ZNRF3: variants seen among roughly 807,000 people sequenced by gnomAD.
ZNRF3 encodes the protein E3 ubiquitin-protein ligase ZNRF3.
A neutral mutation model predicts 72.5 loss-of-function variants in ZNRF3; 23 were observed. The ratio of observed to expected loss-of-function variants is 0.32; its 90% CI spans 0.23 to 0.45. The LOEUF (loss-of-function observed/expected upper bound fraction) is 0.45, where lower values mean the gene tolerates loss of function less well. ZNRF3 is among the 20% of genes least tolerant of loss of function. ZNRF3 has a pLI of 1.00. For synonymous variants in ZNRF3, 610 were observed against 545.3 expected (o/e 1.12, Z -1.65); for missense variants, 1,169 against 1,272.1 (o/e 0.92, Z 1.23).
rs2035088674 is a variant in ZNRF3 at position 28,948,165 on chromosome 22, A to G, written c.301-38911A>G. Reference sequence around the variant, plus strand: ...GCTACAAATAACGTTTTTTATTTAAAAAAAAATTTTTTTAAAAAAGATGTG... The same window carrying G: ...GCTACAAATAACGTTTTTTATTTAAGAAAAAATTTTTTTAAAAAAGATGTG... On this transcript the variant is annotated intron_variant, in intron 1 of 8. Coordinates refer to ENST00000544604, the MANE Select transcript of ZNRF3 (RefSeq NM_001206998.2). 5.3e-5 allele frequency among the ~76,000 whole-genome samples: 8 copies of G among 151,724 alleles called. No homozygotes were observed. In the South Asian group the frequency reaches 1.7e-3, roughly 32 times the overall value.
intron 2 of ZNRF3, among the ~76,000 whole-genome samples, chr22:28,989,521 TG>T (rs35429985): frequency 6.6e-6 from 1 of 152,210 alleles, no homozygotes; most frequent in South Asian, 2.1e-4. Context: ...GTTATCCCCT[TG>T]GGCAGCTTAG....
chr22:28,928,298 G>A (rs906860529), intron 1 of ZNRF3, among the ~76,000 whole-genome samples: 2 of 151,796 alleles, frequency 1.3e-5, no homozygotes, highest in South Asian at 2.1e-4. Flanking sequence ...TTTTACCCGC[G>A]TTTTTACTCA....
chr22:28,955,502 C>T (rs1227846947), intron 1 of ZNRF3, among the ~76,000 whole-genome samples: 1 of 152,152 alleles, frequency 6.6e-6, no homozygotes, highest in Admixed American at 6.5e-5. Context: ...GGACTCCTGG[C>T]CTACCCTCTG....
At chr22:29,029,032 T>C (rs1316152590) in intron 2 of ZNRF3, among the ~76,000 whole-genome samples, 4 of 152,198 alleles carry the variant, frequency 2.6e-5, no homozygotes, top group African/African-American at 9.6e-5. Flanking sequence ...ACTGGCAGCA[T>C]GCCCCTCTTC....
intron 1 of ZNRF3, among the ~76,000 whole-genome samples, chr22:28,949,218 T>C (rs1211542259): frequency 1.3e-5 from 2 of 151,934 alleles, no homozygotes; most frequent in Admixed American, 6.6e-5. Flanking sequence ...CCTCAGGTGA[T>C]CCATCTGCCT....
chr22:28,914,974 C>T (rs754013278), intron 1 of ZNRF3, among the ~76,000 whole-genome samples: 2 of 152,182 alleles, frequency 1.3e-5, no homozygotes, highest in Non-Finnish European at 2.9e-5. Context: ...GTTCAGGACC[C>T]ATCCCCTGTC....
chr22:29,040,272 C>A (rs537443737), intron 2 of ZNRF3, among the ~76,000 whole-genome samples: 2 of 152,098 alleles, frequency 1.3e-5, no homozygotes, highest in South Asian at 4.2e-4. Context: ...CTCCGCCTCC[C>A]AGGCTCAAGT....
chr22:29,015,422 C>T (rs2036413998), intron 2 of ZNRF3, among the ~76,000 whole-genome samples: 1 of 152,146 alleles, frequency 6.6e-6, no homozygotes, highest in Non-Finnish European at 1.5e-5. Context: ...ATAATCCCAA[C>T]ACTTTGGGAG....
Position 29,043,573 on chromosome 22 carries a change from C to T in ZNRF3, c.633+143C>T, listed in dbSNP as rs527623555. 2.1e-5 allele frequency: 21 copies of T among 1,005,288 alleles called. No homozygotes were observed. The African/African-American group carries it at 3.4e-4, about 16-fold the overall frequency. The allele number at this position is 1,005,288 out of a possible 1,614,324, so 62.3% of individuals were successfully genotyped here. On this transcript the variant is annotated intron_variant, in intron 4 of 8. Coordinates refer to ENST00000544604, the MANE Select transcript of ZNRF3 (RefSeq NM_001206998.2). ...CTGCAGGCTTAGATCAGCTATTGGA[C>T]TCAAGGCCAGGGTGAAATTTTACTC...
chr22:28,889,114 CA>C (rs577070744), intron 1 of ZNRF3, among the ~76,000 whole-genome samples: 8 of 143,386 alleles, frequency 5.6e-5, no homozygotes, highest in Non-Finnish European at 3.1e-5. Flanking sequence ...GACCCCGTCT[CA>C]AAAAAAAAAG....
chr22:29,034,689 G>A (rs1799670311), intron 2 of ZNRF3, among the ~76,000 whole-genome samples: 1 of 152,190 alleles, frequency 6.6e-6, no homozygotes, highest in Non-Finnish European at 1.5e-5. Context: ...CTACTATAGA[G>A]ATATGAGGCA....
At chr22:28,934,218 G>C (rs1406815298) in intron 1 of ZNRF3, among the ~76,000 whole-genome samples, 1 of 152,034 alleles carries the variant, frequency 6.6e-6, no homozygotes, top group Non-Finnish European at 1.5e-5. Flanking sequence ...TCTCAGCCTA[G>C]AGGGCCCCAT....
rs1569298118 is a variant in ZNRF3, at chr22:29,050,475, A to G, written c.2294A>G (p.His765Arg). ...GGCTTGTACGGCCTTCACCCCGACC[A>G]TTTGCCCAGGACAGATGGGGTGAAA... ...SQGLYGLHPD[H>R]LPRTDGVKYE... is the part of the protein sequence containing the mutation. The change falls in exon 8 of 9, where the codon CAT becomes CGT. Residue 765 changes from histidine to arginine, a missense_variant. Transcript: ENST00000544604. 3 of 1,612,580 alleles carry G rather than the reference A, an allele frequency of 1.9e-6. No homozygotes were observed. The highest frequency in any genetic ancestry group is 2.7e-5 in the African/African-American group (2 of 75,030).
intron 2 of ZNRF3, 55 bp downstream of exon 2, chr22:28,987,256 C>G (rs200228853): frequency 1.3e-6 from 2 of 1,571,312 alleles, no homozygotes. Flanking sequence ...TTCCACTCTT[C>G]CATTTCAGCA....
intron 2 of ZNRF3, among the ~76,000 whole-genome samples, chr22:29,022,975 A>G (rs2036565748): frequency 6.6e-6 from 1 of 152,180 alleles, no homozygotes; most frequent in South Asian, 2.1e-4. Flanking sequence ...TGAATTATGT[A>G]TATTGTACCC....
chr22:29,019,247 G>A (rs1241578104), intron 2 of ZNRF3, among the ~76,000 whole-genome samples: 1 of 151,892 alleles, frequency 6.6e-6, no homozygotes, highest in East Asian at 1.9e-4. Flanking sequence ...AAATTCAAGG[G>A]GTGGAAAAAT....
intron 1 of ZNRF3, among the ~76,000 whole-genome samples, chr22:28,970,266 G>T (rs975749802): frequency 1.3e-5 from 2 of 152,182 alleles, no homozygotes; most frequent in Non-Finnish European, 2.9e-5. Flanking sequence ...CACATGAAAA[G>T]TTGCTCAGCA....
chr22:28,995,149 C>G lies in ZNRF3; in HGVS notation c.426+7948C>G, dbSNP rs1031855752. Among the ~76,000 whole-genome samples, 33 of 152,282 alleles carry G rather than the reference C, an allele frequency of 2.2e-4. 1 individual carries two copies. The highest frequency in any genetic ancestry group is 6.8e-3 in the Middle Eastern group (2 of 294). On this transcript the variant is annotated intron_variant, in intron 2 of 8. Coordinates refer to ENST00000544604, the MANE Select transcript of ZNRF3 (RefSeq NM_001206998.2). ...TAGGAAAATCAAACTAATTGAAATCCAAGGCTGGGCGGGGTGGCTCACGCC... is the reference window on the plus strand; with the variant it reads ...TAGGAAAATCAAACTAATTGAAATCGAAGGCTGGGCGGGGTGGCTCACGCC...
chr22:28,962,179 A>G (rs1473717559), intron 1 of ZNRF3, among the ~76,000 whole-genome samples: 1 of 152,254 alleles, frequency 6.6e-6, no homozygotes, highest in Non-Finnish European at 1.5e-5. Context: ...CAACTGCTCA[A>G]TAGCAACATG....
Sources: allele counts gnomAD v4.1 joint callset (sites outside exome capture counted in the v4.1 genomes callset), GRCh38; gene constraint gnomAD v4.1.1; transcripts MANE v1.5; gene names NCBI Gene and HGNC (gene_info 2026-07-23, HGNC 2026-07-21).